SNAP91: variants seen among roughly 807,000 people sequenced by gnomAD.
SNAP91 encodes clathrin coat assembly protein AP180.
A neutral mutation model predicts 100.3 loss-of-function variants in SNAP91; 27 were observed. The observed-to-expected ratio is 0.27, with a 90% CI of 0.20 to 0.37. The LOEUF (loss-of-function observed/expected upper bound fraction) is 0.37. Ranked by LOEUF, SNAP91 falls within the 10% of genes least tolerant of loss-of-function variation. The pLI is 1.00. For synonymous variants in SNAP91, 404 were observed against 398.6 expected, an observed-to-expected ratio of 1.01 and a Z score of -0.16; for missense variants, 986 against 1,123.7, an observed-to-expected ratio of 0.88 and a Z score of 1.75.
chr6:83,573,749 A>G (rs1812920466), intron 26 of SNAP91, among the ~76,000 whole-genome samples: 1 of 152,250 alleles, frequency 6.6e-6, no homozygotes, highest in Non-Finnish European at 1.5e-5. Flanking sequence ...GGCTAGCCAT[A>G]TGCAGAAAGC....
intron 24 of SNAP91, among the ~76,000 whole-genome samples, chr6:83,579,409 C>T (rs978278228): frequency 1.2e-4 from 18 of 152,032 alleles, no homozygotes; most frequent in Non-Finnish European, 1.5e-4. Context: ...AACCTCTCCC[C>T]GGGTGTCATA....
chr6:83,581,944 T>C (rs1829086260), intron 23 of SNAP91, among the ~76,000 whole-genome samples: 1 of 152,208 alleles, frequency 6.6e-6, no homozygotes, highest in Non-Finnish European at 1.5e-5. Context: ...ACCATGTGCA[T>C]GTAAGCTCAT....
intron 2 of SNAP91, among the ~76,000 whole-genome samples, chr6:83,705,907 C>T (rs1421724685): frequency 1.3e-5 from 2 of 152,104 alleles, no homozygotes; most frequent in African/African-American, 2.4e-5. Context: ...TATATAGTAA[C>T]TGCTCAATAA....
At chr6:83,602,865 A>T (rs2095357402) in intron 14 of SNAP91, among the ~76,000 whole-genome samples, 1 of 152,130 alleles carries the variant, frequency 6.6e-6, no homozygotes, top group African/African-American at 2.4e-5. Context: ...GAAGGACAGC[A>T]TTAGGACAAA....
At chr6:83,664,981 C>G (rs1048588790) in intron 3 of SNAP91, among the ~76,000 whole-genome samples, 3 of 152,154 alleles carry the variant, frequency 2.0e-5, no homozygotes, top group Admixed American at 6.6e-5. Context: ...AAGATTACAA[C>G]TCACTGAAGA....
chr6:83,656,908 G>T (rs2128702538), intron 6 of SNAP91, 43 bp from the exon 7 acceptor site: 1 of 893,304 alleles, frequency 1.1e-6, no homozygotes, highest in Non-Finnish European at 1.7e-6. Context: ...ATATCATTAA[G>T]TCTTAATTTT....
At chr6:83,655,636 A>T (rs1200624898) in intron 7 of SNAP91, among the ~76,000 whole-genome samples, 1 of 152,250 alleles carries the variant, frequency 6.6e-6, no homozygotes, top group East Asian at 1.9e-4. Context: ...TGACCAAAGA[A>T]CATCAAGTGA....
rs1543868 is a variant in SNAP91, at chr6:83,596,765, T to A, written c.1325-2284A>T. ...GTATATACTTTTTCAATTAAAGATT[T>A]TTTTTTTAAAAAGTCTGATGACTAA... On this transcript the variant is annotated intron_variant, in intron 16 of 29. Transcript: ENST00000369694. 8.0e-5 allele frequency among the ~76,000 whole-genome samples: 11 copies of A among 136,710 alleles called. No individual in the cohort carries two copies. In the East Asian group the frequency reaches 1.5e-3, roughly 19 times the overall value. The allele number at this position is 136,710 out of a possible 152,430, so 89.7% of individuals were successfully genotyped here.
At chr6:83,634,204 G>C (rs1445360700) in intron 8 of SNAP91, among the ~76,000 whole-genome samples, 1 of 152,186 alleles carries the variant, frequency 6.6e-6, no homozygotes, top group Non-Finnish European at 1.5e-5. Context: ...AAGGACCCCT[G>C]TAAGGCCAGG....
At chr6:83,690,187 A>G (rs927079267) in intron 2 of SNAP91, 67 of 701,764 alleles carry the variant, frequency 9.5e-5, no homozygotes, top group Non-Finnish European at 1.1e-4. Flanking sequence ...CAATAACTTA[A>G]TTTGAATATT....
Position 83,641,081 on chromosome 6 carries a change from C to T in SNAP91, c.765+15G>A, listed in dbSNP as rs2097681647. 2.2e-6 allele frequency: 3 copies of T among 1,365,374 alleles called. No homozygotes were observed. Among genetic ancestry groups the T allele is most frequent in the Non-Finnish European group, 3.0e-6 (3 of 1,011,464 alleles). The allele number at this position is 1,365,374 out of a possible 1,614,324, so 84.6% of individuals were successfully genotyped here. ...TTAAAAAATTATATTCCCAAGAAAA[C>T]TTAATATTACTTACCTCTGCAACCT... On this transcript the variant is annotated intron_variant, in intron 8 of 29. Coordinates refer to ENST00000369694, the MANE Select transcript of SNAP91 (RefSeq NM_001242792.2).
intron 2 of SNAP91, among the ~76,000 whole-genome samples, chr6:83,690,831 C>CA (rs938072337): frequency 7.2e-5 from 11 of 151,772 alleles, no homozygotes; most frequent in African/African-American, 2.4e-4. Context: ...TAAGGACTTT[C>CA]AAAAAATATA....
chr6:83,610,700 AT>A (rs1330471714), intron 11 of SNAP91, 23 bp from the exon 12 acceptor site: 2 of 469,186 alleles, frequency 4.3e-6, no homozygotes, highest in Non-Finnish European at 7.9e-6. Flanking sequence ...ATAAAAAAAA[AT>A]TAAAACTGAA....
chr6:83,668,868 A>C (rs1307545854), intron 2 of SNAP91, among the ~76,000 whole-genome samples: 1 of 152,034 alleles, frequency 6.6e-6, no homozygotes, highest in Non-Finnish European at 1.5e-5. Context: ...TCCTTGACTT[A>C]TTGTGGGTAA....
chr6:83,691,289 T>C (rs1162059808), intron 2 of SNAP91, among the ~76,000 whole-genome samples: 1 of 152,104 alleles, frequency 6.6e-6, no homozygotes, highest in Non-Finnish European at 1.5e-5. Flanking sequence ...TTTAAAATGA[T>C]TAAATTATCC....
intron 22 of SNAP91, among the ~76,000 whole-genome samples, chr6:83,585,049 A>G (rs1274960464): frequency 6.6e-6 from 1 of 152,232 alleles, no homozygotes; most frequent in Non-Finnish European, 1.5e-5. Flanking sequence ...GATTATCTCA[A>G]AAAAATAATT....
At chr6:83,572,239 T>C (rs1809317727) in intron 26 of SNAP91, among the ~76,000 whole-genome samples, 1 of 152,196 alleles carries the variant, frequency 6.6e-6, no homozygotes, top group South Asian at 2.1e-4. Context: ...ACTCAGGCTC[T>C]AAACGTTTTT....
chr6:83,707,410 T>C (rs2099395221), intron 2 of SNAP91, among the ~76,000 whole-genome samples: 1 of 152,102 alleles, frequency 6.6e-6, no homozygotes, highest in Admixed American at 6.6e-5. Flanking sequence ...TTTTTTTTTT[T>C]TGACTGTGCA....
At chr6:83,675,280 G>C (rs575045956) in intron 2 of SNAP91, among the ~76,000 whole-genome samples, 2 of 152,236 alleles carry the variant, frequency 1.3e-5, no homozygotes, top group Admixed American at 6.5e-5. Flanking sequence ...GCTTTAAATA[G>C]AAAGATAATG....
Sources: gnomAD v4.1 joint callset for allele counts (sites outside exome capture counted in the v4.1 genomes callset) on GRCh38, gnomAD v4.1.1 for gene constraint, MANE v1.5 for transcripts, NCBI Gene and HGNC (gene_info 2026-07-23, HGNC 2026-07-21) for gene names.